PRKG1: variants seen among roughly 807,000 people sequenced by gnomAD.
The protein encoded by PRKG1 is cGMP-dependent protein kinase 1.
A neutral mutation model predicts 88.1 loss-of-function variants in PRKG1; 35 were observed. That is an observed-to-expected ratio of 0.40 (90% CI 0.30 to 0.53). PRKG1 has a LOEUF of 0.53. PRKG1 is among the 20% of genes least tolerant of loss of function. The pLI, the probability that PRKG1 is intolerant of heterozygous loss-of-function variation, is 0.59. For synonymous variants in PRKG1, 303 were observed against 292.5 expected (o/e 1.04, Z -0.37); for missense variants, 540 against 839.8 (o/e 0.64, Z 4.41).
At chr10:51,776,555 TG>T (rs1445040720) in intron 3 of PRKG1, among the ~76,000 whole-genome samples, 2 of 152,150 alleles carry the variant, frequency 1.3e-5, no homozygotes, top group African/African-American at 2.4e-5. Flanking sequence ...CCGGGCATGG[TG>T]GTTCATGCCT....
intron 12 of PRKG1, 127 bp downstream of exon 12, chr10:52,272,608 TTAAAG>T: frequency 1.4e-6 from 1 of 720,016 alleles, no homozygotes; most frequent in African/African-American, 1.8e-5. Flanking sequence ...ATTTCAATAT[TTAAAG>T]TAAGCACAGG....
chr10:51,670,459 G>A lies in PRKG1; in HGVS notation c.593-134126G>A, dbSNP rs191135941. Among the ~76,000 whole-genome samples, 484 of 150,692 alleles carry A rather than the reference G, an allele frequency of 3.2e-3. 1 individual carries two copies. The highest frequency in any genetic ancestry group is 0.011 in the African/African-American group (456 of 41,150). On this transcript the variant is annotated intron_variant, in intron 3 of 17. Coordinates refer to ENST00000373980, the MANE Select transcript of PRKG1 (RefSeq NM_006258.4). ...ACATTTAAAAATGCAAGATAAGGCCGGGCGCGGTGGCTCACGCCTGTAATC... is the reference window on the plus strand; with the variant it reads ...ACATTTAAAAATGCAAGATAAGGCCAGGCGCGGTGGCTCACGCCTGTAATC...
At chr10:51,527,749 A>G (rs933568029) in intron 3 of PRKG1, among the ~76,000 whole-genome samples, 6 of 152,192 alleles carry the variant, frequency 3.9e-5, no homozygotes, top group Non-Finnish European at 7.3e-5. Flanking sequence ...AGATAGCAGT[A>G]GAGTTATACA....
chr10:51,010,232 G>C (rs189167491), intron 1 of PRKG1, among the ~76,000 whole-genome samples: 75 of 152,318 alleles, frequency 4.9e-4, no homozygotes, highest in Non-Finnish European at 9.4e-4. Context: ...TAAATCATTC[G>C]CTCTACATTA....
intron 7 of PRKG1, among the ~76,000 whole-genome samples, chr10:52,111,388 C>T (rs1017170985): frequency 6.6e-6 from 1 of 152,158 alleles, no homozygotes; most frequent in Non-Finnish European, 1.5e-5. Flanking sequence ...TAATGACAGC[C>T]TTTGTTGACA....
intron 2 of PRKG1, among the ~76,000 whole-genome samples, chr10:51,208,504 A>T (rs749950975): frequency 2.2e-4 from 33 of 152,190 alleles, no homozygotes; most frequent in African/African-American, 6.8e-4. Flanking sequence ...TTAGCAAGAC[A>T]TGAAGCTTCC....
intron 3 of PRKG1, among the ~76,000 whole-genome samples, chr10:51,623,984 A>C (rs1839272599): frequency 6.6e-6 from 1 of 152,196 alleles, no homozygotes; most frequent in South Asian, 2.1e-4. Flanking sequence ...CCTGGGGCCA[A>C]GAGATGATTA....
intron 4 of PRKG1, among the ~76,000 whole-genome samples, chr10:51,847,840 TAAAAAAAAAAAAAAAAAAAAA>T (rs766423513): frequency 2.5e-3 from 88 of 35,218 alleles, no homozygotes; most frequent in Middle Eastern, 0.024. Flanking sequence ...AAGACTCTGT[TAAAAAAAAAAAAAAAAAAAAA>T]AAAAAAAAAA....
At chr10:51,789,461 T>A (rs1368405509) in intron 3 of PRKG1, among the ~76,000 whole-genome samples, 1 of 152,168 alleles carries the variant, frequency 6.6e-6, no homozygotes, top group African/African-American at 2.4e-5. Flanking sequence ...TGCAAATGGA[T>A]CTCATTAGTC....
intron 2 of PRKG1, among the ~76,000 whole-genome samples, chr10:51,399,770 A>G (rs1305819295): frequency 6.6e-6 from 1 of 152,136 alleles, no homozygotes; most frequent in Admixed American, 6.5e-5. Flanking sequence ...ATGATGGTTA[A>G]AGTGACAACA....
chr10:51,070,762 T>A (rs927411164), upstream of PRKG1, among the ~76,000 whole-genome samples: 2 of 152,178 alleles, frequency 1.3e-5, no homozygotes, highest in African/African-American at 4.8e-5. Flanking sequence ...GAGGATTGGG[T>A]GCAAGACTAA....
intron 9 of PRKG1, among the ~76,000 whole-genome samples, chr10:52,178,643 CTAA>C (rs1206550299): frequency 1.3e-5 from 2 of 151,856 alleles, no homozygotes; most frequent in African/African-American, 4.8e-5. Context: ...CCCTTTAGAT[CTAA>C]TAATATTTGC....
chr10:51,780,795 TAA>T (rs988470409), intron 3 of PRKG1, among the ~76,000 whole-genome samples: 1 of 152,180 alleles, frequency 6.6e-6, no homozygotes, highest in African/African-American at 2.4e-5. Context: ...CGAAGGTCAT[TAA>T]GTTTGTTCCT....
intron 3 of PRKG1, among the ~76,000 whole-genome samples, chr10:51,705,037 C>A (rs767852616): frequency 6.6e-6 from 1 of 152,160 alleles, no homozygotes; most frequent in South Asian, 2.1e-4. Context: ...CTCATTACTT[C>A]TCTCCATCCC....
At chr10:51,262,705 TA>T (rs1839742335) in intron 2 of PRKG1, among the ~76,000 whole-genome samples, 1 of 152,054 alleles carries the variant, frequency 6.6e-6, no homozygotes, top group Non-Finnish European at 1.5e-5. Flanking sequence ...TCCGGAAACT[TA>T]CGATCATGGC....
intron 9 of PRKG1, among the ~76,000 whole-genome samples, chr10:52,225,674 G>GA (rs1380040892): frequency 6.6e-6 from 1 of 152,156 alleles, no homozygotes; most frequent in Admixed American, 6.6e-5. Flanking sequence ...TAAGGTGAGA[G>GA]ATGAGGATCT....
chr10:51,119,313 T>C (rs1308078852), intron 1 of PRKG1, among the ~76,000 whole-genome samples: 1 of 152,098 alleles, frequency 6.6e-6, no homozygotes, highest in African/African-American at 2.4e-5. Flanking sequence ...TGATTTTCAC[T>C]GCCTTATACT....
intron 7 of PRKG1, among the ~76,000 whole-genome samples, chr10:52,107,545 C>T (rs2132581214): frequency 6.6e-6 from 1 of 152,276 alleles, no homozygotes; most frequent in South Asian, 2.1e-4. Flanking sequence ...ATATGCACAA[C>T]ATTATTACAC....
chr10:52,144,417 G>A (rs1247813242), intron 8 of PRKG1, among the ~76,000 whole-genome samples: 1 of 152,212 alleles, frequency 6.6e-6, no homozygotes, highest in African/African-American at 2.4e-5. Context: ...AAGGAAGAGA[G>A]TAGCAGATTA....
Sources: allele counts gnomAD v4.1 joint callset (sites outside exome capture counted in the v4.1 genomes callset), GRCh38; gene constraint gnomAD v4.1.1; transcripts MANE v1.5; gene names NCBI Gene and HGNC (gene_info 2026-07-23, HGNC 2026-07-21).